NEURL1: variants seen among roughly 807,000 people sequenced by gnomAD.
NEURL1 encodes the protein neuralized E3 ubiquitin protein ligase 1, also known as E3 ubiquitin-protein ligase NEURL1.
A neutral mutation model predicts 41.2 loss-of-function variants in NEURL1; 26 were observed. The ratio of observed to expected loss-of-function variants is 0.63; its 90% CI spans 0.46 to 0.87. The LOEUF is 0.87. Among genes scored for constraint, NEURL1 ranks in the 40% least tolerant of loss-of-function variants. The pLI is 0.00. For missense variants in NEURL1, 761 were observed against 871.1 expected (o/e 0.87, Z 1.59); for synonymous variants, 400 against 402.3 (o/e 0.99, Z 0.07).
At chr10:103,564,431 A>G (rs754345389) in intron 1 of NEURL1, among the ~76,000 whole-genome samples, 58 of 151,840 alleles carry the variant, frequency 3.8e-4, no homozygotes, top group Non-Finnish European at 7.4e-4. Context: ...TGTGCAGCCC[A>G]CACGCCCCCC....
intron 1 of NEURL1, among the ~76,000 whole-genome samples, chr10:103,507,476 A>G (rs1224671377): frequency 6.6e-6 from 1 of 152,074 alleles, no homozygotes; most frequent in African/African-American, 2.4e-5. Context: ...CTCGGGAGAT[A>G]CTTTAGAAGG....
intron 1 of NEURL1, among the ~76,000 whole-genome samples, chr10:103,496,588 A>G (rs554268074): frequency 5.8e-4 from 89 of 152,340 alleles, no homozygotes; most frequent in African/African-American, 2.1e-3. Context: ...TTATTTTTGT[A>G]ATCAGAAATA....
chr10:103,584,527 C>A lies in NEURL1; in HGVS notation c.650-9C>A. 7.4e-7 allele frequency: 1 copy of A among 1,355,872 alleles called. No homozygotes were observed. Among genetic ancestry groups the A allele is most frequent in the Non-Finnish European group, 9.4e-7 (1 of 1,059,304 alleles). 84.0% of individuals were successfully genotyped at this position (1,355,872 alleles called of 1,614,324 possible). A position where few individuals can be genotyped will look rare whatever the true frequency, so the allele number is the denominator to read the frequency against. ...CCCTGCGTGACACTGCCCCGTGTCT[C>A]CCGCGCAGATAGCGAGCTGGTGCTC... On this transcript the variant is annotated splice_polypyrimidine_tract_variant and intron_variant, in intron 3 of 5. Transcript: ENST00000369780.
intron 1 of NEURL1, among the ~76,000 whole-genome samples, chr10:103,503,630 G>A (rs1010870987): frequency 6.6e-6 from 1 of 152,124 alleles, no homozygotes; most frequent in East Asian, 1.9e-4. Context: ...TGGGCACGCC[G>A]ATACGGTGAG....
At position 103,584,763 on chromosome 10, in the gene NEURL1, G is replaced by T. The variant is rs775784335; in HGVS notation, c.877G>T (p.Asp293Tyr). Reference sequence around the variant, plus strand: ...CGCGCTGCCGGCGCAGCTCGACGGCGACCTGCGTTTCCACGCCCTGCGCGC... The same window carrying T: ...CGCGCTGCCGGCGCAGCTCGACGGCTACCTGCGTTTCCACGCCCTGCGCGC... ...SRALPAQLDG[D>Y]LRFHALRAGA... The change falls in exon 4 of 6, where the codon GAC becomes TAC. Residue 293 changes from aspartate to tyrosine, a missense_variant. Asp to Tyr is a radical substitution (Grantham distance 160, BLOSUM62 -3). Coordinates refer to ENST00000369780, the MANE Select transcript of NEURL1 (RefSeq NM_004210.5). 1 of 1,453,646 alleles carries T rather than the reference G, an allele frequency of 6.9e-7. No individual in the cohort carries two copies. The allele number at this position is 1,453,646 out of a possible 1,614,324, so 90.0% of individuals were successfully genotyped here.
intron 1 of NEURL1, among the ~76,000 whole-genome samples, chr10:103,553,665 G>A (rs886425293): frequency 6.6e-6 from 1 of 152,224 alleles, no homozygotes; most frequent in Non-Finnish European, 1.5e-5. Context: ...GTCTTGAGCT[G>A]CGGGCTCAGG....
intron 1 of NEURL1, among the ~76,000 whole-genome samples, chr10:103,537,426 G>A (rs1433916311): frequency 1.3e-5 from 2 of 152,066 alleles, no homozygotes; most frequent in African/African-American, 4.8e-5. Context: ...TTGAGACAGG[G>A]TCTCACTGTG....
intron 1 of NEURL1, among the ~76,000 whole-genome samples, chr10:103,505,077 G>T (rs1259388259): frequency 2.1e-5 from 3 of 139,558 alleles, no homozygotes; most frequent in Non-Finnish European, 3.1e-5. Flanking sequence ...AAGAAACAAA[G>T]TCTTGCCTTG....
intron 1 of NEURL1, among the ~76,000 whole-genome samples, chr10:103,515,006 T>C (rs144327160): frequency 6.6e-6 from 1 of 152,180 alleles, no homozygotes; most frequent in African/African-American, 2.4e-5. Flanking sequence ...GGCAGGTGGA[T>C]CACCTGAGGT....
intron 1 of NEURL1, chr10:103,511,647 GTC>G (rs2034074530): frequency 6.6e-6 from 1 of 152,180 alleles, no homozygotes; most frequent in African/African-American, 2.4e-5. Flanking sequence ...CATCCTTCAG[GTC>G]TTGGCTTAGC....
At chr10:103,555,038 CCA>C (rs1163840743) in intron 1 of NEURL1, among the ~76,000 whole-genome samples, 1 of 152,130 alleles carries the variant, frequency 6.6e-6, no homozygotes, top group Non-Finnish European at 1.5e-5. Context: ...CAGGAAGCCT[CCA>C]GTCTCCTCCT....
At chr10:103,551,297 ATTTTTTTTTTT>A (rs528332099) in intron 1 of NEURL1, among the ~76,000 whole-genome samples, 1 of 118,708 alleles carries the variant, frequency 8.4e-6, no homozygotes, top group Non-Finnish European at 1.7e-5. Context: ...GGTCAAATGA[ATTTTTTTTTTT>A]TTTTTTTTTT....
rs1431993827 is a variant in NEURL1, at chr10:103,493,822, C to A, written c.-566C>A. The stretch of plus-strand genomic sequence containing the variant: ...AGGAGGGACCCGGCGCGGGCGGGAC[C>A]GCGGCGGTCGGGGGACACCAGCTGC... On this transcript the variant is annotated 5_prime_UTR_variant, in exon 1 of 6. Transcript: ENST00000369780. 1.9e-4 allele frequency among the ~76,000 whole-genome samples: 29 copies of A among 151,836 alleles called. No homozygotes were observed. The highest frequency in any genetic ancestry group is 1.9e-3 in the Admixed American group (29 of 15,246).
At chr10:103,583,084 A>G (rs957618872) in intron 3 of NEURL1, among the ~76,000 whole-genome samples, 1 of 152,242 alleles carries the variant, frequency 6.6e-6, no homozygotes, top group Non-Finnish European at 1.5e-5. Context: ...ATAGGACTCC[A>G]TAAAGCAGAA....
chr10:103,546,680 T>C (rs1012549441), intron 1 of NEURL1, among the ~76,000 whole-genome samples: 2 of 152,260 alleles, frequency 1.3e-5, no homozygotes, highest in African/African-American at 4.8e-5. Context: ...TGTTTCAAGA[T>C]GCTGGCAGCA....
chr10:103,555,174 C>A (rs1417118431), intron 1 of NEURL1: 6 of 355,522 alleles, frequency 1.7e-5, no homozygotes, highest in Admixed American at 7.4e-5. Flanking sequence ...CGCGTGTGGC[C>A]GGCTGGCCGC....
At chr10:103,581,131 G>A (rs1160387057) in intron 3 of NEURL1, among the ~76,000 whole-genome samples, 3 of 152,052 alleles carry the variant, frequency 2.0e-5, no homozygotes, top group Non-Finnish European at 4.4e-5. Flanking sequence ...ACTTTACCTC[G>A]GATCTTTCCA....
At position 103,494,535 on chromosome 10, in the gene NEURL1, G is replaced by C. The variant is rs924226955; in HGVS notation, c.85+63G>C. ...CGCAGGTGGAGGGCCAGGGAGGTGTGGTTGGGGAGGGCGGGCAGACGCCAC... is the reference window on the plus strand; with the variant it reads ...CGCAGGTGGAGGGCCAGGGAGGTGTCGTTGGGGAGGGCGGGCAGACGCCAC... On this transcript the variant is annotated intron_variant, in intron 1 of 5. Coordinates refer to ENST00000369780, the MANE Select transcript of NEURL1 (RefSeq NM_004210.5). 1.3e-5 allele frequency: 18 copies of C among 1,394,904 alleles called. No homozygotes were observed. The African/African-American group carries it at 2.4e-4, about 19-fold the overall frequency. 86.4% of individuals were successfully genotyped at this position (1,394,904 alleles called of 1,614,324 possible).
chr10:103,552,325 T>C (rs755833214), intron 1 of NEURL1, among the ~76,000 whole-genome samples: 62 of 152,148 alleles, frequency 4.1e-4, no homozygotes, highest in Non-Finnish European at 7.5e-4. Context: ...TCCTGGTGTA[T>C]CCCTGACCCA....
Sources: gnomAD v4.1 joint callset for allele counts (sites outside exome capture counted in the v4.1 genomes callset) on GRCh38, gnomAD v4.1.1 for gene constraint, MANE v1.5 for transcripts, NCBI Gene and HGNC (gene_info 2026-07-23, HGNC 2026-07-21) for gene names.